Variants in LYRM1 observed in about 807,000 individuals in gnomAD.
The protein encoded by LYRM1 is LYR motif containing 1.
LYRM1 carries 14 observed loss-of-function variants against 14.9 expected under a neutral mutation model. The ratio of observed to expected loss-of-function variants is 0.94; its 90% CI spans 0.62 to 1.47. The LOEUF (loss-of-function observed/expected upper bound fraction) is 1.47, where lower values mean the gene tolerates loss of function less well. Ranked by LOEUF, LYRM1 falls within the 40% of genes most tolerant of loss-of-function variation. The pLI is 0.00. For missense variants in LYRM1, 153 were observed against 149.9 expected, an observed-to-expected ratio of 1.02 and a Z score of -0.11; for synonymous variants, 43 against 56.2, an observed-to-expected ratio of 0.77 and a Z score of 1.05.
At chr16:20,919,852 G>T (rs2083093927) in intron 2 of LYRM1, among the ~76,000 whole-genome samples, 2 of 152,164 alleles carry the variant, frequency 1.3e-5, no homozygotes, top group Non-Finnish European at 2.9e-5. Context: ...GCTAATTGTT[G>T]TCTCCGAGAT....
intron 1 of LYRM1, among the ~76,000 whole-genome samples, chr16:20,905,748 A>G (rs1350299516): frequency 6.6e-6 from 1 of 152,222 alleles, no homozygotes; most frequent in Non-Finnish European, 1.5e-5. Flanking sequence ...AGTGAGGGTT[A>G]CATCATAGCT....
At chr16:20,911,143 G>A (rs2082572694) in intron 1 of LYRM1, 1 of 152,144 alleles carries the variant, frequency 6.6e-6, no homozygotes, top group Non-Finnish European at 1.5e-5. Context: ...CTCAGAATTG[G>A]TATTGAATAT....
chr16:20,910,405 T>C (rs180921214), intron 1 of LYRM1, among the ~76,000 whole-genome samples: 49 of 152,350 alleles, frequency 3.2e-4, no homozygotes, highest in African/African-American at 1.2e-3. Context: ...TAAATCCCTT[T>C]CAGGATTAGT....
chr16:20,908,347 T>G (rs770089191), intron 1 of LYRM1, among the ~76,000 whole-genome samples: 1 of 152,246 alleles, frequency 6.6e-6, no homozygotes, highest in South Asian at 2.1e-4. Context: ...TTAGTTCCCT[T>G]TGTCACAACT....
chr16:20,924,266 TA>T lies in LYRM1; in HGVS notation c.*151del. 1.7e-6 allele frequency: 1 copy of T among 591,624 alleles called. No homozygotes were observed. Among genetic ancestry groups the T allele is most frequent in the Non-Finnish European group, 3.0e-6 (1 of 329,326 alleles). The allele number at this position is 591,624 out of a possible 1,614,324, so 36.6% of individuals were successfully genotyped here. A position where few individuals can be genotyped will look rare whatever the true frequency, so the allele number is the denominator to read the frequency against. ...TCTCCCCCTGTGATGTAAACTTAGA[TA>T]TCCCTAGAGTTTCTCAGCATCTTTC... On this transcript the variant is annotated 3_prime_UTR_variant, in exon 4 of 4. Transcript: ENST00000567954.
chr16:20,905,467 A>G (rs2082274549), intron 1 of LYRM1, among the ~76,000 whole-genome samples: 1 of 152,186 alleles, frequency 6.6e-6, no homozygotes, highest in Non-Finnish European at 1.5e-5. Context: ...CTACTCTGCT[A>G]TACAGGGCAA....
rs181575343 is a variant in LYRM1 at position 20,906,778 on chromosome 16, G to A, written c.-1+5889G>A. Among the ~76,000 whole-genome samples the A allele has an allele frequency of 1.4e-4, 21 of 152,286 alleles. No individual in the cohort carries two copies. The East Asian group carries it at 3.9e-3, about 28-fold the overall frequency. On this transcript the variant is annotated intron_variant, in intron 1 of 3. Coordinates refer to ENST00000567954, the MANE Select transcript of LYRM1 (RefSeq NM_001128302.3). ...CAAAGGCAGAGGAACTGTTCCAGAGGTGGGGTAAAAGGGCACAGTGGATGA... is the reference window on the plus strand; with the variant it reads ...CAAAGGCAGAGGAACTGTTCCAGAGATGGGGTAAAAGGGCACAGTGGATGA...
At chr16:20,907,321 G>T (rs2082371492) in intron 1 of LYRM1, among the ~76,000 whole-genome samples, 1 of 152,084 alleles carries the variant, frequency 6.6e-6, no homozygotes, top group African/African-American at 2.4e-5. Flanking sequence ...TGGACCTGTG[G>T]CCCCTTTCCC....
intron 2 of LYRM1, among the ~76,000 whole-genome samples, chr16:20,916,778 C>T (rs886561655): frequency 6.6e-6 from 1 of 152,224 alleles, no homozygotes; most frequent in South Asian, 2.1e-4. Flanking sequence ...ACTCTTTGTT[C>T]TCATTCCTCA....
intron 1 of LYRM1, among the ~76,000 whole-genome samples, chr16:20,913,913 A>G (rs1002204629): frequency 3.3e-5 from 5 of 151,582 alleles, no homozygotes; most frequent in African/African-American, 1.2e-4. Context: ...GGTTCATACC[A>G]TTCTCCTGCC....
rs1217008879 is a variant in LYRM1 at position 20,914,276 on chromosome 16, AC to A, written c.1-1279del. ...ATTTTGTTTGGCCTGTACAGTCGTC[AC>A]TTTTTTTTTTTTTTTTTTTTTTCTT... On this transcript the variant is annotated intron_variant, in intron 1 of 3. Transcript: ENST00000567954. Among the ~76,000 whole-genome samples, 117 of 117,926 alleles carry A rather than the reference AC, an allele frequency of 9.9e-4. 3 individuals are homozygous for A. In the South Asian group the frequency reaches 0.032, roughly 33 times the overall value. 77.4% of individuals were successfully genotyped at this position (117,926 alleles called of 152,430 possible).
chr16:20,923,917 G>A, intron 3 of LYRM1, 83 bp from the exon 4 acceptor site: 2 of 736,690 alleles, frequency 2.7e-6, no homozygotes, highest in Non-Finnish European at 4.7e-6. Flanking sequence ...AGAGAATATG[G>A]TACTTTCTGA....
rs1171326462 is a variant in LYRM1, at chr16:20,920,566, C to T, written c.252+352C>T. Reference sequence around the variant, plus strand: ...ATAAAGTTCAAACATGAAAGGAATGCATAAAGTAGAAAGTAAAAATGGTCA... The same window carrying T: ...ATAAAGTTCAAACATGAAAGGAATGTATAAAGTAGAAAGTAAAAATGGTCA... On this transcript the variant is annotated intron_variant, in intron 3 of 3. Transcript: ENST00000567954. The T allele has an allele frequency of 1.6e-5, 4 of 252,600 alleles. No individual in the cohort carries two copies. The East Asian group carries it at 4.5e-4, about 28-fold the overall frequency. The allele number at this position is 252,600 out of a possible 1,614,324, so 15.6% of individuals were successfully genotyped here.
chr16:20,915,936 G>T (rs17692528), intron 2 of LYRM1, among the ~76,000 whole-genome samples: 67,705 of 151,842 alleles, frequency 0.45, 16,268 homozygotes, highest in Non-Finnish European at 0.56. Flanking sequence ...CCAGTAAGTG[G>T]CTCAGTGTCC....
At chr16:20,904,508 A>G (rs1285023191) in intron 1 of LYRM1, among the ~76,000 whole-genome samples, 2 of 152,176 alleles carry the variant, frequency 1.3e-5, no homozygotes, top group African/African-American at 4.8e-5. Context: ...CTGACAGACC[A>G]TATTCTTATC....
Position 20,924,208 on chromosome 16 carries a change from T to A in LYRM1, c.*92T>A. ...AACACTTCTTGATTAGGGGCAAAAA[T>A]TCAAATGTCTTCTTAAAACCTCCAC... On this transcript the variant is annotated 3_prime_UTR_variant, in exon 4 of 4. Transcript: ENST00000567954. The A allele has an allele frequency of 1.5e-6, 1 of 661,230 alleles. No individual in the cohort carries two copies. The highest frequency in any genetic ancestry group is 2.7e-6 in the Non-Finnish European group (1 of 374,166). 41.0% of individuals were successfully genotyped at this position (661,230 alleles called of 1,614,324 possible).
intron 1 of LYRM1, among the ~76,000 whole-genome samples, chr16:20,908,132 G>A (rs187435186): frequency 3.9e-5 from 6 of 152,304 alleles, no homozygotes; most frequent in Non-Finnish European, 8.8e-5. Context: ...AGAGGGGACA[G>A]GGTTGCCACG....
At chr16:20,905,204 C>A (rs1027008189) in intron 1 of LYRM1, among the ~76,000 whole-genome samples, 1 of 152,158 alleles carries the variant, frequency 6.6e-6, no homozygotes, top group Non-Finnish European at 1.5e-5. Context: ...ATTCAGGTAA[C>A]ATTTGCCTTT....
chr16:20,918,186 C>T (rs2152551154), intron 2 of LYRM1, among the ~76,000 whole-genome samples: 1 of 152,230 alleles, frequency 6.6e-6, no homozygotes, highest in Middle Eastern at 3.4e-3. Context: ...CACTGTCCAG[C>T]CTGCGGTATT....
Sources: allele counts gnomAD v4.1 joint callset (sites outside exome capture counted in the v4.1 genomes callset), GRCh38; gene constraint gnomAD v4.1.1; transcripts MANE v1.5; gene names NCBI Gene and HGNC (gene_info 2026-07-23, HGNC 2026-07-21).